Variants in GRIN2B observed in about 807,000 individuals in gnomAD.
The protein encoded by GRIN2B is glutamate receptor ionotropic, NMDA 2B.
GRIN2B carries 5 observed loss-of-function variants against 114.5 expected under a neutral mutation model. The ratio of observed to expected loss-of-function variants is 0.04; its 90% CI spans 0.02 to 0.09. The LOEUF is 0.09. GRIN2B is among the 10% of genes least tolerant of loss of function. GRIN2B has a pLI of 1.00. For missense variants in GRIN2B, 1,108 were observed against 1,943.5 expected (o/e 0.57, Z 8.08); for synonymous variants, 787 against 745.1 (o/e 1.06, Z -0.92).
chr12:13,784,462 C>CT (rs1262350679), intron 3 of GRIN2B, among the ~76,000 whole-genome samples: 1 of 151,910 alleles, frequency 6.6e-6, no homozygotes, highest in African/African-American at 2.4e-5. Flanking sequence ...TTCAACTGTC[C>CT]CCAGGTGATA....
At chr12:13,768,346 T>G (rs1475901497) in intron 3 of GRIN2B, among the ~76,000 whole-genome samples, 1 of 152,200 alleles carries the variant, frequency 6.6e-6, no homozygotes, top group Non-Finnish European at 1.5e-5. Context: ...TCTGTCTCTC[T>G]CAGGAGTCTG....
intron 4 of GRIN2B, among the ~76,000 whole-genome samples, chr12:13,703,510 T>A (rs1354716334): frequency 6.6e-6 from 1 of 152,224 alleles, no homozygotes; most frequent in African/African-American, 2.4e-5. Context: ...AATATGCAAA[T>A]ACAACAGAAA....
chr12:13,624,300 ACACC>A (rs536787757), intron 5 of GRIN2B, among the ~76,000 whole-genome samples: 196 of 152,252 alleles, frequency 1.3e-3, no homozygotes, highest in Non-Finnish European at 2.2e-3. Flanking sequence ...ATGTCACTGC[ACACC>A]CTCCACAAAG....
At chr12:13,845,621 A>G (rs1347691110) in intron 3 of GRIN2B, among the ~76,000 whole-genome samples, 9 of 152,130 alleles carry the variant, frequency 5.9e-5, no homozygotes, top group Non-Finnish European at 1.2e-4. Context: ...TCTTGGCCTC[A>G]GTGTCCTCTA....
chr12:13,744,317 A>G (rs1031481290), intron 4 of GRIN2B, among the ~76,000 whole-genome samples: 1 of 152,342 alleles, frequency 6.6e-6, no homozygotes, highest in South Asian at 2.1e-4. Context: ...GTAACATATA[A>G]AAGTGTTTTA....
chr12:13,727,234 G>A (rs10845837), intron 4 of GRIN2B, among the ~76,000 whole-genome samples: 1 of 151,938 alleles, frequency 6.6e-6, no homozygotes, highest in Non-Finnish European at 1.5e-5. Flanking sequence ...CCACGACAAG[G>A]TAGGGTGTGG....
intron 5 of GRIN2B, among the ~76,000 whole-genome samples, chr12:13,646,721 G>T (rs1182893787): frequency 6.6e-6 from 1 of 151,322 alleles, no homozygotes; most frequent in Non-Finnish European, 1.5e-5. Context: ...TAGAGACAGG[G>T]TTTCACTATG....
chr12:13,963,697 A>G (rs982878644), intron 2 of GRIN2B, among the ~76,000 whole-genome samples: 1 of 152,182 alleles, frequency 6.6e-6, no homozygotes, highest in Non-Finnish European at 1.5e-5. Flanking sequence ...TCCCTTTGAC[A>G]TCAAAGACCC....
At chr12:13,914,340 T>C (rs1045869881) in intron 2 of GRIN2B, among the ~76,000 whole-genome samples, 4 of 152,222 alleles carry the variant, frequency 2.6e-5, no homozygotes, top group Admixed American at 1.3e-4. Flanking sequence ...AGCTTTTTCA[T>C]CTGTAAAAAG....
intron 3 of GRIN2B, among the ~76,000 whole-genome samples, chr12:13,845,352 A>G (rs1218952657): frequency 1.3e-5 from 2 of 152,160 alleles, no homozygotes; most frequent in Non-Finnish European, 2.9e-5. Context: ...TCAATCAATT[A>G]TCTCAAACCA....
At chr12:13,933,294 G>C (rs1867071754) in intron 2 of GRIN2B, among the ~76,000 whole-genome samples, 1 of 152,130 alleles carries the variant, frequency 6.6e-6, no homozygotes, top group South Asian at 2.1e-4. Context: ...AACACAGGTA[G>C]GACCCAAAAG....
intron 4 of GRIN2B, among the ~76,000 whole-genome samples, chr12:13,736,464 C>CTT (rs1376678753): frequency 2.0e-5 from 3 of 152,088 alleles, no homozygotes; most frequent in Non-Finnish European, 2.9e-5. Context: ...ACTAAAATGT[C>CTT]CAGGTCTTAA....
At chr12:13,852,617 T>C (rs983081177) in intron 3 of GRIN2B, among the ~76,000 whole-genome samples, 16 of 149,846 alleles carry the variant, frequency 1.1e-4, no homozygotes, top group African/African-American at 4.0e-4. Context: ...AATGAGTGAC[T>C]TAAAAGGTTA....
Position 13,563,567 on chromosome 12 carries a change from T to C in GRIN2B, c.3671A>G (p.Asn1224Ser). 1 of 1,614,116 alleles carries C rather than the reference T, an allele frequency of 6.2e-7. No homozygotes were observed. The highest frequency in any genetic ancestry group is 8.5e-7 in the Non-Finnish European group (1 of 1,180,022). ...CTGACCCGTCACCGTCGTGGAGTAGTTGTGCAGCTTGGAGGGACAGCTGCG... is the reference window on the plus strand; with the variant it reads ...CTGACCCGTCACCGTCGTGGAGTAGCTGTGCAGCTTGGAGGGACAGCTGCG... The part of the protein sequence containing the change: ...FCRSCPSKLH[N>S]YSTTVTGQNS... The change falls in exon 14 of 14, where the codon AAC (asparagine) becomes AGC (serine). Residue 1224 changes from asparagine (N) to serine (S), a missense_variant. Asn to Ser is a conservative substitution (Grantham distance 46). Transcript: ENST00000609686.
chr12:13,934,987 A>C (rs1867102083), intron 2 of GRIN2B, among the ~76,000 whole-genome samples: 1 of 152,154 alleles, frequency 6.6e-6, no homozygotes, highest in Non-Finnish European at 1.5e-5. Context: ...TTCCTGGTTC[A>C]CCTGAATGGA....
chr12:13,815,750 G>T (rs190205917), intron 3 of GRIN2B, among the ~76,000 whole-genome samples: 9 of 152,268 alleles, frequency 5.9e-5, no homozygotes, highest in African/African-American at 1.9e-4. Flanking sequence ...GAAGTGAAAA[G>T]GTGGGGTTAA....
At chr12:13,775,894 A>G (rs1483152214) in intron 3 of GRIN2B, among the ~76,000 whole-genome samples, 1 of 152,200 alleles carries the variant, frequency 6.6e-6, no homozygotes, top group Non-Finnish European at 1.5e-5. Flanking sequence ...TAAGAACAGA[A>G]GTACCATTCA....
At chr12:13,741,717 G>A (rs1351282774) in intron 4 of GRIN2B, among the ~76,000 whole-genome samples, 1 of 152,000 alleles carries the variant, frequency 6.6e-6, no homozygotes, top group East Asian at 1.9e-4. Context: ...ACCATGCCTG[G>A]CTAATTTAAT....
At chr12:13,813,542 T>A (rs979238612) in intron 3 of GRIN2B, among the ~76,000 whole-genome samples, 6 of 152,148 alleles carry the variant, frequency 3.9e-5, no homozygotes, top group African/African-American at 1.4e-4. Context: ...ATAGCTAGCA[T>A]TAATGAGCCC....
Sources: allele counts gnomAD v4.1 joint callset (sites outside exome capture counted in the v4.1 genomes callset), GRCh38; gene constraint gnomAD v4.1.1; transcripts MANE v1.5; gene names NCBI Gene and HGNC (gene_info 2026-07-23, HGNC 2026-07-21).